ADGRL3: variants seen among roughly 807,000 people sequenced by gnomAD.
ADGRL3 encodes adhesion G protein-coupled receptor L3.
ADGRL3 carries 62 observed loss-of-function variants against 153.5 expected under a neutral mutation model. That is an observed-to-expected ratio of 0.40 (90% confidence interval 0.33 to 0.50). ADGRL3 has a LOEUF of 0.50. Among genes scored for constraint, ADGRL3 ranks in the 20% least tolerant of loss-of-function variants. ADGRL3 has a pLI of 0.47. For missense variants in ADGRL3, 1,641 were observed against 1,859.4 expected, an observed-to-expected ratio of 0.88 and a Z score of 2.16; for synonymous variants, 710 against 672.5, an observed-to-expected ratio of 1.06 and a Z score of -0.86.
At chr4:61,227,065 T>C (rs1182491831) in intron 1 of ADGRL3, among the ~76,000 whole-genome samples, 1 of 152,186 alleles carries the variant, frequency 6.6e-6, no homozygotes, top group Non-Finnish European at 1.5e-5. Flanking sequence ...TTTCTGAAGT[T>C]TAACTTGAAT....
chr4:61,738,300 G>GT lies in ADGRL3; in HGVS notation c.1399+4753dup, dbSNP rs1185676646. 2.0e-5 allele frequency among the ~76,000 whole-genome samples: 3 copies of GT among 152,106 alleles called. No homozygotes were observed. In the East Asian group the frequency reaches 5.8e-4, roughly 29 times the overall value. ...TTCCATTCTATATATTTATATCACA[G>GT]TTTTTTTATCCACTCGTTGATTGAT... On this transcript the variant is annotated intron_variant, in intron 8 of 26. Coordinates refer to ENST00000683033, the MANE Select transcript of ADGRL3 (RefSeq NM_001387552.1).
At chr4:62,000,688 G>A (rs7668363) in intron 21 of ADGRL3, among the ~76,000 whole-genome samples, 22,938 of 151,994 alleles carry the variant, frequency 0.15, 1,852 homozygotes, top group East Asian at 0.24. Context: ...ACCTTTGATG[G>A]TGCTTTTTAA....
chr4:61,214,538 G>T (rs371347594), intron 1 of ADGRL3, among the ~76,000 whole-genome samples: 2 of 152,252 alleles, frequency 1.3e-5, no homozygotes, highest in South Asian at 4.2e-4. Flanking sequence ...AAAGTAGATG[G>T]GTCAGAAAAG....
chr4:61,659,190 C>T (rs1289168975), intron 5 of ADGRL3, among the ~76,000 whole-genome samples: 1 of 152,094 alleles, frequency 6.6e-6, no homozygotes, highest in East Asian at 1.9e-4. Flanking sequence ...GAGGGCCTAC[C>T]CTATTCCAGT....
intron 1 of ADGRL3, among the ~76,000 whole-genome samples, chr4:61,321,202 C>G (rs1369990028): frequency 6.6e-6 from 1 of 152,178 alleles, no homozygotes; most frequent in Non-Finnish European, 1.5e-5. Flanking sequence ...GCATGGGCAT[C>G]TTTGGTGGGC....
chr4:61,946,996 G>T lies in ADGRL3; in HGVS notation c.2502G>T (p.Thr834=), dbSNP rs35637502. The change falls in exon 16 of 27, where the codon ACG becomes ACT. Residue 834 remains threonine (T), a synonymous_variant. Coordinates refer to ENST00000683033, the MANE Select transcript of ADGRL3 (RefSeq NM_001387552.1). The part of the protein sequence containing the change: ...STENASMKLG[T]EALSTNHSVI... ...AGAATGCCAGTATGAAGTTGGGAACGGAAGCTTTGTCCACAAATCATTCTG... is the reference window on the plus strand; with the variant it reads ...AGAATGCCAGTATGAAGTTGGGAACTGAAGCTTTGTCCACAAATCATTCTG... The T allele has an allele frequency of 6.2e-7, 1 of 1,613,702 alleles. No homozygotes were observed. The highest frequency in any genetic ancestry group is 1.1e-5 in the South Asian group (1 of 91,068).
intron 17 of ADGRL3, among the ~76,000 whole-genome samples, chr4:61,961,300 C>G (rs1283682726): frequency 6.6e-6 from 1 of 152,142 alleles, no homozygotes. Flanking sequence ...AAACACCGAT[C>G]TTTTAATTCC....
chr4:62,058,269 G>A (rs1033786208), intron 25 of ADGRL3, among the ~76,000 whole-genome samples: 4 of 151,756 alleles, frequency 2.6e-5, no homozygotes, highest in African/African-American at 9.7e-5. Context: ...ATATATGATT[G>A]ATTGTTTATT....
intron 9 of ADGRL3, among the ~76,000 whole-genome samples, chr4:61,856,598 CT>C (rs2098269053): frequency 1.8e-5 from 1 of 56,896 alleles, no homozygotes; most frequent in Non-Finnish European, 4.2e-5. Flanking sequence ...CTCTCTCTCT[CT>C]CTCTCTTTTT....
At chr4:61,225,415 T>C (rs1747491113) in intron 1 of ADGRL3, among the ~76,000 whole-genome samples, 1 of 152,174 alleles carries the variant, frequency 6.6e-6, no homozygotes, top group East Asian at 1.9e-4. Flanking sequence ...ATATATAACC[T>C]TTCCATTTCT....
At chr4:61,241,631 G>A (rs534023361) in intron 1 of ADGRL3, among the ~76,000 whole-genome samples, 30 of 152,038 alleles carry the variant, frequency 2.0e-4, no homozygotes, top group Non-Finnish European at 3.7e-4. Context: ...TGTCTTCTAC[G>A]TATATCCCTT....
At chr4:62,058,188 A>G (rs538705874) in intron 25 of ADGRL3, among the ~76,000 whole-genome samples, 1 of 151,378 alleles carries the variant, frequency 6.6e-6, no homozygotes, top group African/African-American at 2.5e-5. Flanking sequence ...GCAAGTAGTG[A>G]GTTGTTTTTT....
At chr4:61,743,204 T>C (rs149032314) in intron 8 of ADGRL3, among the ~76,000 whole-genome samples, 4,874 of 151,136 alleles carry the variant, frequency 0.032, 243 homozygotes, top group African/African-American at 0.11. Flanking sequence ...CCTGTAGTCC[T>C]AGCTACTCAG....
chr4:61,329,957 G>A (rs968802839), intron 1 of ADGRL3, among the ~76,000 whole-genome samples: 1 of 152,120 alleles, frequency 6.6e-6, no homozygotes, highest in African/African-American at 2.4e-5. Flanking sequence ...GAATCAAGAA[G>A]GAAATTGCAA....
intron 8 of ADGRL3, among the ~76,000 whole-genome samples, chr4:61,783,365 G>T (rs2097238091): frequency 6.6e-6 from 1 of 152,096 alleles, no homozygotes; most frequent in Admixed American, 6.5e-5. Context: ...CAGAGGTTAT[G>T]AGGTTATTTT....
intron 5 of ADGRL3, among the ~76,000 whole-genome samples, chr4:61,593,123 A>G (rs2098975962): frequency 1.3e-5 from 2 of 152,228 alleles, no homozygotes; most frequent in African/African-American, 4.8e-5. Context: ...CAAAAAGGAA[A>G]CTAATAAAAA....
chr4:61,634,583 A>T (rs2093335582), intron 5 of ADGRL3, among the ~76,000 whole-genome samples: 1 of 152,186 alleles, frequency 6.6e-6, no homozygotes, highest in Non-Finnish European at 1.5e-5. Context: ...CAAGCCCTAG[A>T]ACATCAAAAC....
chr4:61,585,509 C>T (rs1165956879), intron 4 of ADGRL3, among the ~76,000 whole-genome samples: 2 of 151,954 alleles, frequency 1.3e-5, no homozygotes, highest in Admixed American at 1.3e-4. Flanking sequence ...GTAAAAAAGC[C>T]ACAAGAGAAG....
At chr4:61,630,599 T>C (rs2093101798) in intron 5 of ADGRL3, among the ~76,000 whole-genome samples, 1 of 152,232 alleles carries the variant, frequency 6.6e-6, no homozygotes, top group Non-Finnish European at 1.5e-5. Context: ...AAATGATTCT[T>C]ACTGCTGAAG....
Sources: allele counts gnomAD v4.1 joint callset (sites outside exome capture counted in the v4.1 genomes callset), GRCh38; gene constraint gnomAD v4.1.1; transcripts MANE v1.5; gene names NCBI Gene and HGNC (gene_info 2026-07-23, HGNC 2026-07-21).